PLCB4: variants seen among roughly 807,000 people sequenced by gnomAD.
The protein encoded by PLCB4 is 1-phosphatidylinositol 4,5-bisphosphate phosphodiesterase beta-4.
PLCB4 carries 77 observed loss-of-function variants against 178.8 expected under a neutral mutation model. The ratio of observed to expected loss-of-function variants is 0.43; its 90% confidence interval spans 0.36 to 0.52. The LOEUF is 0.52. Ranked by LOEUF, PLCB4 falls within the 20% of genes least tolerant of loss-of-function variation. The probability of loss-of-function intolerance (pLI) is 0.00; values close to 1 mark genes in which losing one functional copy is unlikely to be tolerated. For synonymous variants in PLCB4, 496 were observed against 490.8 expected (o/e 1.01, Z -0.14); for missense variants, 1,024 against 1,453.4 (o/e 0.70, Z 4.80).
At chr20:9,106,561 A>G (rs527253171) in intron 2 of PLCB4, among the ~76,000 whole-genome samples, 20 of 151,932 alleles carry the variant, frequency 1.3e-4, no homozygotes, top group Non-Finnish European at 2.4e-4. Flanking sequence ...ACACACACAC[A>G]AAATGTTCAT....
At chr20:9,295,309 T>C (rs1213504057) in intron 3 of PLCB4, among the ~76,000 whole-genome samples, 1 of 152,300 alleles carries the variant, frequency 6.6e-6, no homozygotes, top group East Asian at 1.9e-4. Flanking sequence ...CGGTAAAGTA[T>C]AGACATCCAC....
intron 7 of PLCB4, among the ~76,000 whole-genome samples, chr20:9,341,737 T>C (rs2033223851): frequency 6.6e-6 from 1 of 151,570 alleles, no homozygotes; most frequent in Non-Finnish European, 1.5e-5. Flanking sequence ...ACCAGTGATA[T>C]ATGTTTGAGG....
chr20:9,193,338 G>C (rs2093429494), intron 2 of PLCB4, among the ~76,000 whole-genome samples: 1 of 152,196 alleles, frequency 6.6e-6, no homozygotes, highest in South Asian at 2.1e-4. Context: ...AATCCACTGA[G>C]GACCAGTGTA....
intron 18 of PLCB4, among the ~76,000 whole-genome samples, chr20:9,394,538 A>T (rs986185774): frequency 1.3e-5 from 2 of 152,282 alleles, no homozygotes; most frequent in Admixed American, 6.5e-5. Context: ...ACATCTACAT[A>T]CTAACTTTAA....
At chr20:9,214,152 T>C (rs2093702712) in intron 2 of PLCB4, among the ~76,000 whole-genome samples, 1 of 152,240 alleles carries the variant, frequency 6.6e-6, no homozygotes, top group African/African-American at 2.4e-5. Context: ...TTCTTCATGC[T>C]TTTGGTGTCA....
chr20:9,212,044 C>A (rs993427285), intron 2 of PLCB4, among the ~76,000 whole-genome samples: 1 of 152,132 alleles, frequency 6.6e-6, no homozygotes, highest in Non-Finnish European at 1.5e-5. Context: ...GAGGTGGGAC[C>A]ATTTCTCTAT....
At chr20:9,179,428 T>C (rs981026874) in intron 2 of PLCB4, among the ~76,000 whole-genome samples, 9 of 152,134 alleles carry the variant, frequency 5.9e-5, no homozygotes, top group Admixed American at 2.0e-4. Context: ...TGAATGACAA[T>C]GAAATGGATG....
At chr20:9,287,166 A>G (rs1568526525) in intron 3 of PLCB4, among the ~76,000 whole-genome samples, 1 of 152,054 alleles carries the variant, frequency 6.6e-6, no homozygotes, top group Non-Finnish European at 1.5e-5. Context: ...TGATTCTGTC[A>G]GATAAACTTT....
chr20:9,253,897 C>T lies in PLCB4; in HGVS notation c.-16+36445C>T, dbSNP rs541600912. 7.8e-4 allele frequency among the ~76,000 whole-genome samples: 118 copies of T among 152,230 alleles called. 2 individuals carry two copies. Among genetic ancestry groups the T allele is most frequent in the African/African-American group, 2.6e-3 (106 of 41,544 alleles). ...GAGAAGGGAATTTTAGCAGGACACA[C>T]ATGAAAAAATAAGTGCTCCTCTGTT... On this transcript the variant is annotated intron_variant, in intron 3 of 39. Transcript: ENST00000378473.
intron 3 of PLCB4, among the ~76,000 whole-genome samples, chr20:9,228,098 C>G (rs780863819): frequency 6.6e-6 from 1 of 152,140 alleles, no homozygotes; most frequent in Non-Finnish European, 1.5e-5. Flanking sequence ...TGTTAGAATT[C>G]CAAGGGGCCA....
chr20:9,091,338 T>C (rs1485049909), intron 1 of PLCB4, among the ~76,000 whole-genome samples: 2 of 152,130 alleles, frequency 1.3e-5, no homozygotes, highest in Non-Finnish European at 2.9e-5. Context: ...GATATGGGCA[T>C]GTAGTAATTG....
chr20:9,362,876 A>G lies in PLCB4; in HGVS notation c.370-20A>G, dbSNP rs2035466984. The stretch of plus-strand genomic sequence containing the variant: ...TCCAGCAGATTTGCTCACCAAGAAT[A>G]TTTTTTCTTTCTCTTTCAGCAATGG... On this transcript the variant is annotated intron_variant, in intron 7 of 39. Coordinates refer to ENST00000378473, the MANE Select transcript of PLCB4 (RefSeq NM_001377142.1). 1 of 1,571,488 alleles carries G rather than the reference A, an allele frequency of 6.4e-7. No individual in the cohort carries two copies. Among genetic ancestry groups the G allele is most frequent in the Non-Finnish European group, 8.8e-7 (1 of 1,142,090 alleles).
rs79586205 is a variant in PLCB4, at chr20:9,427,607, C to T, written c.2524+3655C>T. 2.3e-3 allele frequency among the ~76,000 whole-genome samples: 348 copies of T among 152,290 alleles called. 5 individuals carry two copies. Among genetic ancestry groups the T allele is most frequent in the African/African-American group, 8.0e-3 (332 of 41,546 alleles). The stretch of plus-strand genomic sequence containing the variant: ...TTGCTGCTTTATCTGTGGGTGCCAA[C>T]GCCACCGTAGATGGCATTTGCCCAT... On this transcript the variant is annotated intron_variant, in intron 28 of 39. Coordinates refer to ENST00000378473, the MANE Select transcript of PLCB4 (RefSeq NM_001377142.1).
chr20:9,305,638 CTATT>C (rs1324679980), intron 3 of PLCB4, among the ~76,000 whole-genome samples: 2 of 151,908 alleles, frequency 1.3e-5, no homozygotes, highest in South Asian at 4.2e-4. Context: ...TCTTATTTCT[CTATT>C]TATTTTCCCC....
At position 9,412,632 on chromosome 20, in the gene PLCB4, C is replaced by T. The variant is rs117996847; in HGVS notation, c.2051+1544C>T. On this transcript the variant is annotated intron_variant, in intron 25 of 39. Transcript: ENST00000378473. Reference sequence around the variant, plus strand: ...TGTAGAATCCAGTCTGAGCAACAATCGTGCTAGTTCAGTTTAGTGAAAATC... The same window carrying T: ...TGTAGAATCCAGTCTGAGCAACAATTGTGCTAGTTCAGTTTAGTGAAAATC... Among the ~76,000 whole-genome samples, 1,221 of 152,288 alleles carry T rather than the reference C, an allele frequency of 8.0e-3. 4 individuals carry two copies. The highest frequency in any genetic ancestry group is 0.012 in the African/African-American group (487 of 41,576).
chr20:9,268,646 A>G (rs961652380), intron 3 of PLCB4, among the ~76,000 whole-genome samples: 18 of 152,260 alleles, frequency 1.2e-4, no homozygotes, highest in Middle Eastern at 3.4e-3. Flanking sequence ...TATCCATACA[A>G]GGGGGACGAT....
intron 2 of PLCB4, among the ~76,000 whole-genome samples, chr20:9,141,349 C>T (rs896785015): frequency 6.6e-6 from 1 of 152,112 alleles, no homozygotes; most frequent in Non-Finnish European, 1.5e-5. Flanking sequence ...CATGAGATAA[C>T]CCTAACCAAA....
intron 25 of PLCB4, among the ~76,000 whole-genome samples, chr20:9,412,124 T>G (rs1329282515): frequency 1.3e-5 from 2 of 152,200 alleles, no homozygotes; most frequent in African/African-American, 4.8e-5. Flanking sequence ...GCTGTGTGCT[T>G]TGGAAGAAAA....
chr20:9,164,118 A>G (rs1352400031), intron 2 of PLCB4, among the ~76,000 whole-genome samples: 1 of 152,188 alleles, frequency 6.6e-6, no homozygotes, highest in Non-Finnish European at 1.5e-5. Flanking sequence ...TACTTTACCA[A>G]TTAATTTTTA....
Sources: allele counts gnomAD v4.1 joint callset (sites outside exome capture counted in the v4.1 genomes callset), GRCh38; gene constraint gnomAD v4.1.1; transcripts MANE v1.5; gene names NCBI Gene and HGNC (gene_info 2026-07-23, HGNC 2026-07-21).